LRRTM4: variants seen among roughly 807,000 people sequenced by gnomAD.
LRRTM4 encodes leucine-rich repeat transmembrane neuronal protein 4.
Under a neutral mutation model 47.6 loss-of-function variants are expected in LRRTM4, and 25 were observed. The observed-to-expected ratio is 0.53, with a 90% CI of 0.38 to 0.73. The LOEUF is 0.73. Among genes scored for constraint, LRRTM4 ranks in the 30% least tolerant of loss-of-function variants. The pLI is 0.00. For synonymous variants in LRRTM4, 311 were observed against 269.5 expected (o/e 1.15, Z -1.51); for missense variants, 638 against 713.4 (o/e 0.89, Z 1.20).
rs13013150 is a variant in LRRTM4, at chr2:77,173,232, G to C, written c.1551+345086C>G. ...TTCGGCCATGATTTCATTTTCTTTG[G>C]TCAGATCATAATGATTACAAATTAA... On this transcript the variant is annotated intron_variant, in intron 3 of 3. Coordinates refer to ENST00000409884, the MANE Select transcript of LRRTM4 (RefSeq NM_001134745.3). Among the ~76,000 whole-genome samples the C allele has an allele frequency of 2.5e-3, 376 of 152,202 alleles. 2 individuals are homozygous for C. The highest frequency in any genetic ancestry group is 4.3e-3 in the Non-Finnish European group (295 of 68,006).
chr2:76,873,802 T>C (rs76489381), intron 3 of LRRTM4, among the ~76,000 whole-genome samples: 10,026 of 151,592 alleles, frequency 0.066, 880 homozygotes, highest in African/African-American at 0.19. Flanking sequence ...GATTGATATC[T>C]CAATCCTGAT....
chr2:76,923,809 A>T (rs1413555204), intron 3 of LRRTM4, among the ~76,000 whole-genome samples: 1 of 152,092 alleles, frequency 6.6e-6, no homozygotes, highest in Non-Finnish European at 1.5e-5. Flanking sequence ...TTCTTTAGCT[A>T]TTTCAGTGGT....
At chr2:77,394,874 A>T (rs1673639544) in intron 3 of LRRTM4, among the ~76,000 whole-genome samples, 1 of 151,842 alleles carries the variant, frequency 6.6e-6, no homozygotes, top group Non-Finnish European at 1.5e-5. Flanking sequence ...AAGTGAGTGA[A>T]ATCCGTCTCT....
intron 3 of LRRTM4, among the ~76,000 whole-genome samples, chr2:77,341,983 A>G (rs951134358): frequency 3.3e-5 from 5 of 152,056 alleles, no homozygotes; most frequent in African/African-American, 7.2e-5. Flanking sequence ...CAGAATTTCA[A>G]TGTCAGTTAG....
intron 3 of LRRTM4, among the ~76,000 whole-genome samples, chr2:77,479,911 T>A (rs1677601198): frequency 1.3e-5 from 2 of 152,188 alleles, no homozygotes; most frequent in South Asian, 4.1e-4. Context: ...TAGGAAAAGG[T>A]TAAATGTCTA....
chr2:77,230,605 T>A (rs915134419), intron 3 of LRRTM4, among the ~76,000 whole-genome samples: 2 of 152,144 alleles, frequency 1.3e-5, no homozygotes, highest in African/African-American at 4.8e-5. Flanking sequence ...TTTGTTGATG[T>A]TTTATTTTTA....
intron 3 of LRRTM4, among the ~76,000 whole-genome samples, chr2:77,421,143 C>A (rs1674864966): frequency 6.6e-6 from 1 of 151,928 alleles, no homozygotes; most frequent in Non-Finnish European, 1.5e-5. Context: ...ATAAATAGAA[C>A]TAGTAGCTAT....
At chr2:77,169,429 C>A (rs1185376570) in intron 3 of LRRTM4, among the ~76,000 whole-genome samples, 1 of 151,952 alleles carries the variant, frequency 6.6e-6, no homozygotes, top group Admixed American at 6.6e-5. Context: ...AGATGTACTT[C>A]CTGCTATGGT....
chr2:77,506,627 T>C (rs996285967), intron 3 of LRRTM4, among the ~76,000 whole-genome samples: 27 of 151,874 alleles, frequency 1.8e-4, no homozygotes, highest in African/African-American at 5.6e-4. Context: ...ACACAATGCA[T>C]GTGGTAAGAT....
At chr2:76,897,742 G>C (rs369709750) in intron 3 of LRRTM4, among the ~76,000 whole-genome samples, 82 of 152,240 alleles carry the variant, frequency 5.4e-4, no homozygotes, top group African/African-American at 1.8e-3. Context: ...ATCTCCTTCA[G>C]TGACTGGAAC....
In LRRTM4 at chr2:76,791,197, T is replaced by G. The variant is rs141701394; in HGVS notation, c.1552-42281A>C. 8.5e-4 allele frequency among the ~76,000 whole-genome samples: 129 copies of G among 152,252 alleles called. 1 individual carries two copies. The highest frequency in any genetic ancestry group is 6.8e-3 in the Middle Eastern group (2 of 294). On this transcript the variant is annotated intron_variant, in intron 3 of 3. Coordinates refer to ENST00000409884, the MANE Select transcript of LRRTM4 (RefSeq NM_001134745.3). ...AACCACAGGGCATTAGAGCTGGAAG[T>G]GATCCAGGCATGTGGCTTGCCAAAA...
intron 3 of LRRTM4, among the ~76,000 whole-genome samples, chr2:76,749,948 T>C (rs1045738703): frequency 3.3e-5 from 5 of 152,220 alleles, no homozygotes; most frequent in Non-Finnish European, 4.4e-5. Context: ...TTTTAAACTA[T>C]TGACTCTCAG....
chr2:77,201,358 T>G (rs1443537713), intron 3 of LRRTM4, among the ~76,000 whole-genome samples: 1 of 152,040 alleles, frequency 6.6e-6, no homozygotes, highest in Non-Finnish European at 1.5e-5. Context: ...TTGCCTAGAG[T>G]TAGTTAAATT....
intron 3 of LRRTM4, among the ~76,000 whole-genome samples, chr2:76,843,602 A>G (rs1182236399): frequency 6.6e-6 from 1 of 152,206 alleles, no homozygotes; most frequent in East Asian, 1.9e-4. Context: ...TAGTGTGACT[A>G]TGTTAATAAA....
chr2:76,865,544 C>T (rs566160920), intron 3 of LRRTM4, among the ~76,000 whole-genome samples: 1 of 152,184 alleles, frequency 6.6e-6, no homozygotes, highest in South Asian at 2.1e-4. Context: ...AATGCTGATC[C>T]CTAATTTGGA....
intron 3 of LRRTM4, among the ~76,000 whole-genome samples, chr2:77,242,897 T>C (rs543618147): frequency 3.2e-4 from 48 of 152,084 alleles, no homozygotes; most frequent in Non-Finnish European, 5.9e-4. Flanking sequence ...ACTGTTAGAG[T>C]GGTCTTGAAA....
At chr2:77,223,354 G>A (rs1450275855) in intron 3 of LRRTM4, among the ~76,000 whole-genome samples, 2 of 152,120 alleles carry the variant, frequency 1.3e-5, no homozygotes, top group African/African-American at 2.4e-5. Flanking sequence ...GGACATTCTG[G>A]CCAGGGCAAT....
chr2:76,800,134 C>T lies in LRRTM4; in HGVS notation c.1552-51218G>A, dbSNP rs974203781. ...GTTCATATGGAACCAAAAAAGAGCC[C>T]GCATCGCCAAGTCAATCCTAAGCCA... On this transcript the variant is annotated intron_variant, in intron 3 of 3. Coordinates refer to ENST00000409884, the MANE Select transcript of LRRTM4 (RefSeq NM_001134745.3). 5.4e-5 allele frequency among the ~76,000 whole-genome samples: 8 copies of T among 148,480 alleles called. 1 individual carries two copies. Among genetic ancestry groups the T allele is most frequent in the South Asian group, 4.3e-4 (2 of 4,656 alleles).
chr2:76,783,600 C>G (rs1203676910), intron 3 of LRRTM4, among the ~76,000 whole-genome samples: 1 of 152,056 alleles, frequency 6.6e-6, no homozygotes, highest in Non-Finnish European at 1.5e-5. Flanking sequence ...AATTAACATG[C>G]TAATGTGAAA....
Sources: allele counts gnomAD v4.1 joint callset (sites outside exome capture counted in the v4.1 genomes callset), GRCh38; gene constraint gnomAD v4.1.1; transcripts MANE v1.5; gene names NCBI Gene and HGNC (gene_info 2026-07-23, HGNC 2026-07-21).